Variants in SGCZ observed in about 807,000 individuals in gnomAD.
SGCZ encodes zeta-sarcoglycan.
In SGCZ, 40 loss-of-function variants were observed where a neutral mutation model predicts 41.3. The ratio of observed to expected loss-of-function variants is 0.97; its 90% CI spans 0.75 to 1.26. SGCZ has a LOEUF of 1.26. SGCZ is among the 50% of genes most tolerant of loss of function. The pLI is 0.00. For synonymous variants in SGCZ, 206 were observed against 137.5 expected (o/e 1.50, Z -3.49); for missense variants, 552 against 369.8 (o/e 1.49, Z -4.04).
intron 1 of SGCZ, among the ~76,000 whole-genome samples, chr8:15,166,243 C>T (rs77597750): frequency 7.8e-4 from 101 of 129,148 alleles, no homozygotes; most frequent in East Asian, 2.7e-3. Context: ...TTTTTTTTTT[C>T]TTTTTTTTTT....
intron 2 of SGCZ, among the ~76,000 whole-genome samples, chr8:14,551,985 G>T (rs1040845501): frequency 6.6e-6 from 1 of 151,666 alleles, no homozygotes; most frequent in Non-Finnish European, 1.5e-5. Flanking sequence ...TCAAATAAAA[G>T]ATGTTAACAG....
chr8:15,181,497 A>T (rs1563169652), intron 1 of SGCZ, among the ~76,000 whole-genome samples: 1 of 152,184 alleles, frequency 6.6e-6, no homozygotes, highest in East Asian at 1.9e-4. Flanking sequence ...TCATACAAAC[A>T]GTGTGAGATA....
intron 7 of SGCZ, among the ~76,000 whole-genome samples, chr8:14,096,907 AT>A (rs776252528): frequency 4.6e-5 from 7 of 152,014 alleles, no homozygotes; most frequent in Non-Finnish European, 1.0e-4. Flanking sequence ...TGTTTATATT[AT>A]TCTCTAGTAG....
At chr8:14,993,137 G>C (rs1251880417) in intron 1 of SGCZ, among the ~76,000 whole-genome samples, 2 of 152,060 alleles carry the variant, frequency 1.3e-5, no homozygotes, top group Non-Finnish European at 2.9e-5. Context: ...AATAGCTCTT[G>C]AATCCACCTT....
rs113629346 is a variant in SGCZ, at chr8:14,795,903, C to T, written c.40-240977G>A. ...ATATGTTCTCATTATTTAGTTCCCACTTACAAGTGAGAACATGTAGTATTT... is the reference window on the plus strand; with the variant it reads ...ATATGTTCTCATTATTTAGTTCCCATTTACAAGTGAGAACATGTAGTATTT... On this transcript the variant is annotated intron_variant, in intron 1 of 7. Coordinates refer to ENST00000382080, the MANE Select transcript of SGCZ (RefSeq NM_139167.4). Among the ~76,000 whole-genome samples the T allele has an allele frequency of 5.4e-3, 828 of 152,258 alleles. 8 individuals are homozygous for T. The highest frequency in any genetic ancestry group is 0.019 in the African/African-American group (771 of 41,544).
At chr8:14,414,272 C>T (rs1044370973) in intron 2 of SGCZ, among the ~76,000 whole-genome samples, 6 of 151,814 alleles carry the variant, frequency 4.0e-5, no homozygotes, top group Non-Finnish European at 8.8e-5. Context: ...ATTCCTAATT[C>T]ATTATCAGTT....
At chr8:15,108,082 A>G (rs1015797531) in intron 1 of SGCZ, among the ~76,000 whole-genome samples, 1 of 152,082 alleles carries the variant, frequency 6.6e-6, no homozygotes, top group Non-Finnish European at 1.5e-5. Flanking sequence ...ATAGGTTTGG[A>G]TTTATTTATG....
At chr8:15,032,521 C>T (rs771517729) in intron 1 of SGCZ, among the ~76,000 whole-genome samples, 1 of 152,104 alleles carries the variant, frequency 6.6e-6, no homozygotes, top group Non-Finnish European at 1.5e-5. Context: ...GACTTATGGA[C>T]TGAGCCCCCA....
In SGCZ at chr8:14,453,697, A is replaced by AT. The variant is rs1800662549; in HGVS notation, c.234+101034dup. ...TTAAGCAGCATGCTAATCCCTACAG[A>AT]TTTTTCAGTTTGGGCAAAAGCGAGA... On this transcript the variant is annotated intron_variant, in intron 2 of 7. Transcript: ENST00000382080. Among the ~76,000 whole-genome samples, 5 of 152,196 alleles carry AT rather than the reference A, an allele frequency of 3.3e-5. No homozygotes were observed. In the South Asian group the frequency reaches 1.0e-3, roughly 31 times the overall value.
intron 2 of SGCZ, among the ~76,000 whole-genome samples, chr8:14,422,979 G>T (rs1311074426): frequency 6.6e-6 from 1 of 152,140 alleles, no homozygotes; most frequent in Non-Finnish European, 1.5e-5. Context: ...AATGAGCCAT[G>T]ATCATGCCAT....
At chr8:14,991,111 A>G (rs1348139281) in intron 1 of SGCZ, among the ~76,000 whole-genome samples, 3 of 152,214 alleles carry the variant, frequency 2.0e-5, no homozygotes, top group Admixed American at 2.0e-4. Flanking sequence ...AATATTTTTA[A>G]CATTTTGGCA....
chr8:14,364,446 C>A (rs1372145806), intron 2 of SGCZ, among the ~76,000 whole-genome samples: 1 of 152,136 alleles, frequency 6.6e-6, no homozygotes, highest in Non-Finnish European at 1.5e-5. Flanking sequence ...ATCTGCAAGA[C>A]AGCACTGCCT....
At chr8:14,534,937 CTTAAAG>C (rs1222153822) in intron 2 of SGCZ, among the ~76,000 whole-genome samples, 3 of 151,940 alleles carry the variant, frequency 2.0e-5, no homozygotes, top group African/African-American at 7.2e-5. Context: ...ATATTTCACA[CTTAAAG>C]TTAAATCGAT....
chr8:14,372,366 T>C (rs965720560), intron 2 of SGCZ, among the ~76,000 whole-genome samples: 4 of 152,198 alleles, frequency 2.6e-5, no homozygotes, highest in Non-Finnish European at 4.4e-5. Flanking sequence ...TTCATTCTTT[T>C]GTTGAACAAA....
chr8:14,477,619 G>T, intron 2 of SGCZ, among the ~76,000 whole-genome samples: 1 of 152,042 alleles, frequency 6.6e-6, no homozygotes, highest in East Asian at 1.9e-4. Context: ...TTAATAAATG[G>T]CTCTATTTAG....
At position 14,915,748 on chromosome 8, in the gene SGCZ, C is replaced by T. The variant is rs144208186; in HGVS notation, c.39+321837G>A. Among the ~76,000 whole-genome samples, 18 of 152,246 alleles carry T rather than the reference C, an allele frequency of 1.2e-4. No homozygotes were observed. The East Asian group carries it at 2.9e-3, about 25-fold the overall frequency. On this transcript the variant is annotated intron_variant, in intron 1 of 7. Coordinates refer to ENST00000382080, the MANE Select transcript of SGCZ (RefSeq NM_139167.4). ...CTGCCTATAAAATCTGCTGTGGTCC[C>T]TGCCTCCCTGCTTTTTTGGAGGTGT... is the stretch of plus-strand genomic sequence containing the variant.
At chr8:14,276,980 A>T (rs1423831869) in intron 3 of SGCZ, among the ~76,000 whole-genome samples, 1 of 152,194 alleles carries the variant, frequency 6.6e-6, no homozygotes, top group African/African-American at 2.4e-5. Flanking sequence ...TTTGGCCCCT[A>T]TGCTCAGACC....
At chr8:15,062,795 C>T (rs1015052392) in intron 1 of SGCZ, among the ~76,000 whole-genome samples, 15 of 152,054 alleles carry the variant, frequency 9.9e-5, no homozygotes, top group South Asian at 2.1e-4. Flanking sequence ...TACAGTCTTA[C>T]GTATAGTAAA....
chr8:15,174,063 G>T (rs889659110), intron 1 of SGCZ, among the ~76,000 whole-genome samples: 3 of 152,052 alleles, frequency 2.0e-5, no homozygotes, highest in Non-Finnish European at 4.4e-5. Flanking sequence ...CTTCAGTTAA[G>T]GGCCGTCATT....
Sources: allele counts gnomAD v4.1 joint callset (sites outside exome capture counted in the v4.1 genomes callset), GRCh38; gene constraint gnomAD v4.1.1; transcripts MANE v1.5; gene names NCBI Gene and HGNC (gene_info 2026-07-23, HGNC 2026-07-21).